The following CELF5 variants were observed in gnomAD, a reference collection of about 807,000 sequenced individuals.
CELF5 encodes CUGBP Elav-like family member 5.
Under a neutral mutation model 54.9 loss-of-function variants are expected in CELF5, and 6 were observed. That is an observed-to-expected ratio of 0.11 (90% CI 0.06 to 0.22). CELF5 has a LOEUF of 0.22. CELF5 is among the 10% of genes least tolerant of loss of function. CELF5 has a pLI of 1.00. For missense variants in CELF5, 401 were observed against 678.6 expected, an observed-to-expected ratio of 0.59 and a Z score of 4.54; for synonymous variants, 271 against 290.9, an observed-to-expected ratio of 0.93 and a Z score of 0.70.
rs1460785645 is a variant in CELF5, at chr19:3,273,859, C to T, written c.343-13C>T. 1.2e-6 allele frequency: 2 copies of T among 1,612,796 alleles called. No homozygotes were observed. The highest frequency in any genetic ancestry group is 3.3e-5 in the Admixed American group (2 of 60,000). On this transcript the variant is annotated splice_polypyrimidine_tract_variant and intron_variant, in intron 2 of 12. Coordinates refer to ENST00000292672, the MANE Select transcript of CELF5 (RefSeq NM_021938.4). The stretch of plus-strand genomic sequence containing the variant: ...TGCTAAGCTTGACTTTTCCCTTCCC[C>T]CTCTCTCTGCAGATGGCGCGGCCAA...
At chr19:3,229,598 A>G (rs1421765763) in intron 1 of CELF5, among the ~76,000 whole-genome samples, 1 of 152,176 alleles carries the variant, frequency 6.6e-6, no homozygotes, top group Non-Finnish European at 1.5e-5. Context: ...AGATGTCTTC[A>G]TCCCTCCAGG....
At chr19:3,260,104 A>C (rs1351347964) in intron 2 of CELF5, among the ~76,000 whole-genome samples, 1 of 152,088 alleles carries the variant, frequency 6.6e-6, no homozygotes, top group East Asian at 1.9e-4. Flanking sequence ...CATGCAGTCT[A>C]TGTATTTCTA....
intron 1 of CELF5, chr19:3,225,563 CGGCGGGGCAGGTCCGGCCGCG>C (rs1310819222): frequency 8.6e-5 from 84 of 981,830 alleles, no homozygotes; most frequent in Non-Finnish European, 1.0e-4. Context: ...AAAGCCAGGC[CGGCGGGGCAGGTCCGGCCGCG>C]GGGGACACGG....
chr19:3,290,799 C>T (rs1176409108), intron 11 of CELF5, among the ~76,000 whole-genome samples: 1 of 150,724 alleles, frequency 6.6e-6, no homozygotes, highest in Non-Finnish European at 1.5e-5. Flanking sequence ...ATCTCCTGAC[C>T]TCGTGATCTG....
intron 10 of CELF5, among the ~76,000 whole-genome samples, chr19:3,287,704 G>A (rs2080277437): frequency 6.6e-6 from 1 of 152,186 alleles, no homozygotes; most frequent in Admixed American, 6.6e-5. Context: ...ACTGAGCCAA[G>A]ATCATGCCAC....
chr19:3,253,834 CTGTCCAGAGAAA>C (rs2145073042), intron 2 of CELF5, among the ~76,000 whole-genome samples: 2 of 152,260 alleles, frequency 1.3e-5, no homozygotes, highest in East Asian at 3.9e-4. Flanking sequence ...TCTGGTCCTT[CTGTCCAGAGAAA>C]TCTGTACATA....
intron 2 of CELF5, among the ~76,000 whole-genome samples, chr19:3,251,605 T>C (rs1174269077): frequency 3.3e-5 from 5 of 151,684 alleles, no homozygotes; most frequent in Non-Finnish European, 5.9e-5. Context: ...TTTCCTCGCT[T>C]GTCTTTATGG....
chr19:3,251,093 G>A (rs1041066635), intron 2 of CELF5, 26 bp downstream of exon 2: 3 of 1,581,246 alleles, frequency 1.9e-6, no homozygotes, highest in South Asian at 1.1e-5. Flanking sequence ...TGTCTGGGGA[G>A]GAGGGGACAG....
Position 3,282,461 on chromosome 19 carries a change from G to A in CELF5, c.1002G>A (p.Leu334=). 6.2e-7 allele frequency: 1 copy of A among 1,613,764 alleles called. No homozygotes were observed. Among genetic ancestry groups the A allele is most frequent in the African/African-American group, 1.3e-5 (1 of 75,068 alleles). ...VVPFPGGHPA[L]ETVYANGLVP... ...CCTTTCCAGGTGGGCACCCTGCCCT[G>A]GAAACCGTCTATGCCAATGGCCTTG... Residue 334 remains leucine, a synonymous_variant, in exon 8 of 13, where the codon CTG becomes CTA. Transcript: ENST00000292672. This position sits in a 1 kb window ranked among gnomAD's most constrained non-coding sequence, Gnocchi z 5.2.
intron 2 of CELF5, among the ~76,000 whole-genome samples, chr19:3,267,100 T>TGC: frequency 6.6e-6 from 1 of 150,664 alleles, no homozygotes; most frequent in Admixed American, 6.6e-5. Flanking sequence ...TGTGTGTGTG[T>TGC]GTGTGTGCGT....
At chr19:3,254,464 T>G (rs1446476426) in intron 2 of CELF5, among the ~76,000 whole-genome samples, 1 of 150,560 alleles carries the variant, frequency 6.6e-6, no homozygotes, top group Non-Finnish European at 1.5e-5. Context: ...CATCCATCCA[T>G]CTATCCATCC....
chr19:3,249,528 CCA>C (rs2079618434), intron 1 of CELF5, among the ~76,000 whole-genome samples: 1 of 151,720 alleles, frequency 6.6e-6, no homozygotes, highest in Non-Finnish European at 1.5e-5. Context: ...CTAATGTTGC[CCA>C]ATCACAGCCT....
In CELF5 at chr19:3,281,183, G is replaced by A. The variant is rs755235762; in HGVS notation, c.604-16G>A. On this transcript the variant is annotated splice_polypyrimidine_tract_variant and intron_variant, in intron 5 of 12. Transcript: ENST00000292672. This position sits in a 1 kb window ranked among gnomAD's most constrained non-coding sequence, Gnocchi z 6.5. ...TCCCAGCCCGTTTCCCTCCCTGCTCGCCGCTGCCCCTGCAGGGAGCCTCCT... is the reference window on the plus strand; with the variant it reads ...TCCCAGCCCGTTTCCCTCCCTGCTCACCGCTGCCCCTGCAGGGAGCCTCCT... 9.4e-6 allele frequency: 15 copies of A among 1,597,870 alleles called. No homozygotes were observed. Among genetic ancestry groups the A allele is most frequent in the South Asian group, 5.5e-5 (5 of 90,936 alleles).
chr19:3,248,240 C>T (rs2079594168), intron 1 of CELF5, among the ~76,000 whole-genome samples: 1 of 152,106 alleles, frequency 6.6e-6, no homozygotes, highest in Non-Finnish European at 1.5e-5. Flanking sequence ...ACTGCAGCCT[C>T]CAGCTCCTGG....
In CELF5 at chr19:3,275,054, C is replaced by T. The variant is rs1038337412; in HGVS notation, c.395-802C>T. On this transcript the variant is annotated intron_variant, in intron 3 of 12. Transcript: ENST00000292672. This position sits in a 1 kb window ranked among gnomAD's most constrained non-coding sequence, Gnocchi z 6.7. ...CTCTCCCTGATTCTCAGTCTCTCTGCTGGTTTCTCTCTCTCCCTCCCACCC... is the reference window on the plus strand; with the variant it reads ...CTCTCCCTGATTCTCAGTCTCTCTGTTGGTTTCTCTCTCTCCCTCCCACCC... Among the ~76,000 whole-genome samples the T allele has an allele frequency of 6.6e-6, 1 of 152,100 alleles. No homozygotes were observed. Among genetic ancestry groups the T allele is most frequent in the Non-Finnish European group, 1.5e-5 (1 of 68,006 alleles).
Position 3,224,703 on chromosome 19 carries a change from C to T in CELF5, c.-37C>T. 1 of 969,298 alleles carries T rather than the reference C, an allele frequency of 1.0e-6. No individual in the cohort carries two copies. The allele number at this position is 969,298 out of a possible 1,614,324, so 60.0% of individuals were successfully genotyped here. A position where few individuals can be genotyped will look rare whatever the true frequency, so the allele number is the denominator to read the frequency against. ...CTCCAGCTGCGAGTCCGCCCGCCGC[C>T]CGCCGCCGCCGCCGCCGGCTCGGTC... On this transcript the variant is annotated 5_prime_UTR_variant, in exon 1 of 13. Coordinates refer to ENST00000292672, the MANE Select transcript of CELF5 (RefSeq NM_021938.4).
chr19:3,284,197 G>A (rs1599475834), intron 8 of CELF5, among the ~76,000 whole-genome samples: 1 of 151,972 alleles, frequency 6.6e-6, no homozygotes, highest in African/African-American at 2.4e-5. Context: ...GTGTGTGTGT[G>A]CAGGGGCGGT....
At chr19:3,247,059 C>T (rs1370103702) in intron 1 of CELF5, among the ~76,000 whole-genome samples, 2 of 152,160 alleles carry the variant, frequency 1.3e-5, no homozygotes, top group Admixed American at 6.5e-5. Flanking sequence ...GTGGTTACCC[C>T]TGCAGGATGG....
At chr19:3,251,203 G>T (rs909594291) in intron 2 of CELF5, 136 bp downstream of exon 2, 3 of 654,960 alleles carry the variant, frequency 4.6e-6, no homozygotes, top group Non-Finnish European at 8.1e-6. Context: ...AGGAGCAGAG[G>T]TATAGAAATC....
Sources: gnomAD v4.1 joint callset for allele counts (sites outside exome capture counted in the v4.1 genomes callset) on GRCh38, gnomAD v4.1.1 for gene constraint, Gnocchi (gnomAD v3.1) non-coding constraint, MANE v1.5 for transcripts, NCBI Gene and HGNC (gene_info 2026-07-23, HGNC 2026-07-21) for gene names.